Variants in BMPR1B observed in about 807,000 individuals in gnomAD.
BMPR1B encodes bone morphogenetic protein receptor type-1B.
A neutral mutation model predicts 59.1 loss-of-function variants in BMPR1B; 12 were observed. That is an observed-to-expected ratio of 0.20 (90% CI 0.13 to 0.33). The LOEUF (loss-of-function observed/expected upper bound fraction) is 0.33. Among genes scored for constraint, BMPR1B ranks in the 10% least tolerant of loss-of-function variants. The probability of loss-of-function intolerance (pLI) is 1.00; values close to 1 mark genes in which losing one functional copy is unlikely to be tolerated. For synonymous variants in BMPR1B, 237 were observed against 207.3 expected (o/e 1.14, Z -1.23); for missense variants, 550 against 610.9 (o/e 0.90, Z 1.05).
chr4:95,123,613 G>A (rs1732685166), intron 6 of BMPR1B, among the ~76,000 whole-genome samples, 197 bp from the exon 7 acceptor site: 1 of 152,094 alleles, frequency 6.6e-6, no homozygotes, highest in Non-Finnish European at 1.5e-5. Context: ...TAAGTGCCTA[G>A]GTGAAGGATG....
intron 12 of BMPR1B, 87 bp downstream of exon 12, chr4:95,152,860 A>G (rs1735152175): frequency 4.6e-5 from 71 of 1,527,710 alleles, no homozygotes; most frequent in South Asian, 2.5e-4. Context: ...TGATTGTAGG[A>G]ATTCTTCTTT....
chr4:94,919,532 C>G (rs903120840), intron 2 of BMPR1B, among the ~76,000 whole-genome samples: 2 of 151,472 alleles, frequency 1.3e-5, no homozygotes, highest in African/African-American at 4.9e-5. Flanking sequence ...ATTACTACCC[C>G]CTTTATCCAC....
intron 10 of BMPR1B, among the ~76,000 whole-genome samples, chr4:95,132,107 C>G (rs997913010): frequency 1.3e-5 from 2 of 152,114 alleles, no homozygotes; most frequent in Non-Finnish European, 2.9e-5. Context: ...AGTTGGGACT[C>G]TATTTTGCTT....
intron 3 of BMPR1B, among the ~76,000 whole-genome samples, chr4:95,028,246 T>A (rs1245583657): frequency 6.6e-6 from 1 of 152,198 alleles, no homozygotes; most frequent in Non-Finnish European, 1.5e-5. Context: ...CAAAACTCCC[T>A]CCAAATGTAT....
intron 3 of BMPR1B, among the ~76,000 whole-genome samples, chr4:95,021,078 G>C (rs1483675029): frequency 6.6e-6 from 1 of 152,132 alleles, no homozygotes; most frequent in East Asian, 1.9e-4. Flanking sequence ...TACGCTGAAA[G>C]AAATAGTCAT....
At chr4:95,141,465 A>C (rs998542605) in intron 10 of BMPR1B, among the ~76,000 whole-genome samples, 1 of 152,190 alleles carries the variant, frequency 6.6e-6, no homozygotes, top group Non-Finnish European at 1.5e-5. Flanking sequence ...AGAGCCACAG[A>C]GAGGGAGCAG....
intron 1 of BMPR1B, among the ~76,000 whole-genome samples, chr4:94,788,086 A>G (rs1029439398): frequency 3.3e-5 from 5 of 152,184 alleles, no homozygotes; most frequent in African/African-American, 9.6e-5. Context: ...CATCAGTTAC[A>G]GTGACCCACT....
At chr4:95,135,611 T>C (rs1733715091) in intron 10 of BMPR1B, among the ~76,000 whole-genome samples, 1 of 152,182 alleles carries the variant, frequency 6.6e-6, no homozygotes, top group Non-Finnish European at 1.5e-5. Flanking sequence ...GGTATTTTAT[T>C]CTCTTTGAAG....
chr4:95,097,727 A>G (rs552620000), intron 3 of BMPR1B, among the ~76,000 whole-genome samples: 195 of 152,120 alleles, frequency 1.3e-3, no homozygotes, highest in African/African-American at 4.3e-3. Flanking sequence ...TAGTAGAGAC[A>G]GGGTCTCACC....
At chr4:94,830,309 A>T (rs1724532920) in intron 1 of BMPR1B, among the ~76,000 whole-genome samples, 1 of 152,184 alleles carries the variant, frequency 6.6e-6, no homozygotes, top group Admixed American at 6.5e-5. Context: ...GTGATTATAG[A>T]ATTCTATTCA....
chr4:95,098,561 A>T (rs1374362652), intron 3 of BMPR1B, among the ~76,000 whole-genome samples: 1 of 151,260 alleles, frequency 6.6e-6, no homozygotes, highest in Admixed American at 6.6e-5. Flanking sequence ...TTATTTATTT[A>T]TTTTTATTAT....
rs1319298682 is a variant in BMPR1B, at chr4:95,130,070, C to T, written c.778+16C>T. Reference sequence around the variant, plus strand: ...AACATTTTGGGTGAGTAAAAGTCTGCATAGCTATGTTCAGGGTTTCCTAGC... The same window carrying T: ...AACATTTTGGGTGAGTAAAAGTCTGTATAGCTATGTTCAGGGTTTCCTAGC... On this transcript the variant is annotated intron_variant, in intron 9 of 12. Coordinates refer to ENST00000515059, the MANE Select transcript of BMPR1B (RefSeq NM_001203.3). 1 of 1,611,152 alleles carries T rather than the reference C, an allele frequency of 6.2e-7. No individual in the cohort carries two copies. The highest frequency in any genetic ancestry group is 2.2e-5 in the East Asian group (1 of 44,828).
intron 1 of BMPR1B, among the ~76,000 whole-genome samples, chr4:94,764,375 C>A (rs1721886327): frequency 6.6e-6 from 1 of 152,128 alleles, no homozygotes; most frequent in Non-Finnish European, 1.5e-5. Flanking sequence ...TTGCTCTTCC[C>A]AAGGTATTCT....
At chr4:94,875,341 A>C (rs1726678576) in intron 1 of BMPR1B, among the ~76,000 whole-genome samples, 2 of 152,194 alleles carry the variant, frequency 1.3e-5, no homozygotes, top group African/African-American at 4.8e-5. Flanking sequence ...ACTGGTTCAC[A>C]ATAATCATGG....
chr4:94,825,222 A>G (rs988900765), intron 1 of BMPR1B, among the ~76,000 whole-genome samples: 3 of 152,048 alleles, frequency 2.0e-5, no homozygotes, highest in African/African-American at 7.2e-5. Flanking sequence ...GAATAGTACT[A>G]CTGGGTGTGG....
intron 1 of BMPR1B, among the ~76,000 whole-genome samples, chr4:94,793,696 T>G (rs1258525456): frequency 2.1e-5 from 3 of 141,400 alleles, no homozygotes; most frequent in African/African-American, 8.0e-5. Context: ...CCTGACTTTT[T>G]AATGATTGCC....
At chr4:94,826,390 C>T (rs900033528) in intron 1 of BMPR1B, among the ~76,000 whole-genome samples, 8 of 143,912 alleles carry the variant, frequency 5.6e-5, no homozygotes, top group African/African-American at 1.6e-4. Context: ...AAAGCTCACT[C>T]GGGCTGGACT....
intron 3 of BMPR1B, among the ~76,000 whole-genome samples, chr4:95,100,384 A>G (rs1439843369): frequency 6.6e-6 from 1 of 151,968 alleles, no homozygotes; most frequent in Non-Finnish European, 1.5e-5. Flanking sequence ...GCATTGTTCT[A>G]TTTTATTCTA....
chr4:95,152,605 T>TAAC (rs771056152), intron 11 of BMPR1B, 38 bp from the exon 12 acceptor site: 33 of 1,125,722 alleles, frequency 2.9e-5, no homozygotes, highest in Middle Eastern at 3.2e-4. Context: ...TCACAGAAAA[T>TAAC]AATAATAATA....
Sources: gnomAD v4.1 joint callset for allele counts (sites outside exome capture counted in the v4.1 genomes callset) on GRCh38, gnomAD v4.1.1 for gene constraint, MANE v1.5 for transcripts, NCBI Gene and HGNC (gene_info 2026-07-23, HGNC 2026-07-21) for gene names.